The following KIAA1549L variants were observed in gnomAD, a reference collection of about 807,000 sequenced individuals.
KIAA1549L encodes UPF0606 protein KIAA1549L.
In KIAA1549L, 88 loss-of-function variants were observed where a neutral mutation model predicts 160.7. That is an observed-to-expected ratio of 0.55 (90% confidence interval 0.46 to 0.65). The LOEUF (loss-of-function observed/expected upper bound fraction) is 0.65. Ranked by LOEUF, KIAA1549L falls within the 30% of genes least tolerant of loss-of-function variation. The pLI, the probability that KIAA1549L is intolerant of heterozygous loss-of-function variation, is 0.00. For missense variants in KIAA1549L, 2,258 were observed against 2,437.5 expected, an observed-to-expected ratio of 0.93 and a Z score of 1.55; for synonymous variants, 950 against 976.7, an observed-to-expected ratio of 0.97 and a Z score of 0.51.
chr11:33,641,479 A>G (rs1851577367), intron 16 of KIAA1549L, among the ~76,000 whole-genome samples: 1 of 150,842 alleles, frequency 6.6e-6, no homozygotes, highest in Non-Finnish European at 1.5e-5. Flanking sequence ...TCTATAAGGT[A>G]GATTATCTCA....
Position 33,556,955 on chromosome 11 carries a change from AGGCTTCCTC to A in KIAA1549L, c.3856-2791_3856-2783del, listed in dbSNP as rs542600238. 1.0e-3 allele frequency among the ~76,000 whole-genome samples: 159 copies of A among 152,358 alleles called. 2 individuals carry two copies. In the East Asian group the frequency reaches 0.029, roughly 27 times the overall value. On this transcript the variant is annotated intron_variant, in intron 6 of 20. Coordinates refer to ENST00000658780, the MANE Select transcript of KIAA1549L (RefSeq NM_012194.3). ...GAGGCACCCACATTGCAAACTTTGT[AGGCTTCCTC>A]GGGCTCCAGTGGGATTTGGGTTTTT...
chr11:33,618,004 G>A (rs758995209), intron 15 of KIAA1549L, among the ~76,000 whole-genome samples: 1 of 152,186 alleles, frequency 6.6e-6, no homozygotes, highest in Non-Finnish European at 1.5e-5. Context: ...TGGGTTTATG[G>A]CTTCTTAGTC....
intron 16 of KIAA1549L, among the ~76,000 whole-genome samples, chr11:33,640,558 G>A (rs770639241): frequency 2.0e-5 from 3 of 152,240 alleles, no homozygotes; most frequent in Non-Finnish European, 2.9e-5. Context: ...CACACTCTCT[G>A]TAGTGGCCTG....
At chr11:33,469,104 A>G (rs1852122281) in intron 1 of KIAA1549L, among the ~76,000 whole-genome samples, 1 of 152,180 alleles carries the variant, frequency 6.6e-6, no homozygotes. Context: ...TTTTTAGTGT[A>G]TGTGCAGAGT....
chr11:33,478,985 TG>T (rs1852351933), intron 1 of KIAA1549L, among the ~76,000 whole-genome samples: 1 of 152,250 alleles, frequency 6.6e-6, no homozygotes, highest in Non-Finnish European at 1.5e-5. Context: ...GACTTGGGCA[TG>T]TTGCCCCTAA....
intron 11 of KIAA1549L, among the ~76,000 whole-genome samples, chr11:33,589,884 G>T (rs1452262437): frequency 1.3e-5 from 2 of 152,120 alleles, no homozygotes; most frequent in African/African-American, 4.8e-5. Flanking sequence ...TTTTGCACAT[G>T]TACCCTAAAA....
Position 33,510,188 on chromosome 11 carries a change from T to A in KIAA1549L, c.239-31614T>A, listed in dbSNP as rs117471592. Among the ~76,000 whole-genome samples, 928 of 152,232 alleles carry A rather than the reference T, an allele frequency of 6.1e-3. 9 individuals carry two copies. Among genetic ancestry groups the A allele is most frequent in the Non-Finnish European group, 0.011 (766 of 68,016 alleles). ...TCATATATCTCTCTCAGTCTCTTGA[T>A]CTCTTGATTTCTCTTTCTTTCGTGT... On this transcript the variant is annotated intron_variant, in intron 1 of 20. Transcript: ENST00000658780.
intron 1 of KIAA1549L, among the ~76,000 whole-genome samples, chr11:33,444,233 T>C (rs972038090): frequency 3.3e-5 from 5 of 152,362 alleles, no homozygotes; most frequent in Admixed American, 3.3e-4. Flanking sequence ...TATGGGAACA[T>C]TGAACTGCTT....
chr11:33,544,096 T>C lies in KIAA1549L; in HGVS notation c.2533T>C (p.Leu845=), dbSNP rs779840453. ...QLPNQPAHPL[L]LTSPGPTSTG... ...GCCCAACCAGCCAGCACATCCTCTT[T>C]TGCTAACCTCACCAGGACCAACTTC... Residue 845 remains leucine (L), a synonymous_variant, in exon 2 of 21, where the codon TTG becomes CTG. Coordinates refer to ENST00000658780, the MANE Select transcript of KIAA1549L (RefSeq NM_012194.3). 3.1e-6 allele frequency: 5 copies of C among 1,614,014 alleles called. No individual in the cohort carries two copies. The highest frequency in any genetic ancestry group is 4.2e-6 in the Non-Finnish European group (5 of 1,179,898).
At position 33,543,654 on chromosome 11, in the gene KIAA1549L, G is replaced by T. The variant is rs1276468178; in HGVS notation, c.2091G>T (p.Trp697Cys). 1 of 1,613,902 alleles carries T rather than the reference G, an allele frequency of 6.2e-7. No homozygotes were observed. The highest frequency in any genetic ancestry group is 8.5e-7 in the Non-Finnish European group (1 of 1,179,832). Residue 697 changes from tryptophan to cysteine, a missense_variant, in exon 2 of 21, where the codon TGG becomes TGT. This residue lies in a region of KIAA1549L where 287 missense variants were observed against 292.3 expected (regional missense o/e 0.98). Coordinates refer to ENST00000658780, the MANE Select transcript of KIAA1549L (RefSeq NM_012194.3). Reference protein sequence around the residue: ...MKKPATTDVFWSSLSAETGSL... With the variant: ...MKKPATTDVFCSSLSAETGSL... ...AGCCAGCAACCACAGATGTTTTCTGGAGTTCTCTTTCAGCAGAAACTGGAT... is the reference window on the plus strand; with the variant it reads ...AGCCAGCAACCACAGATGTTTTCTGTAGTTCTCTTTCAGCAGAAACTGGAT...
At chr11:33,431,884 G>T (rs1296539335) in intron 1 of KIAA1549L, among the ~76,000 whole-genome samples, 2 of 152,238 alleles carry the variant, frequency 1.3e-5, no homozygotes, top group Non-Finnish European at 2.9e-5. Flanking sequence ...CCCAAGGACT[G>T]CCCCACGGGA....
At chr11:33,656,890 G>A (rs376124549) in intron 18 of KIAA1549L, among the ~76,000 whole-genome samples, 4 of 152,114 alleles carry the variant, frequency 2.6e-5, no homozygotes, top group African/African-American at 9.7e-5. Flanking sequence ...GCCACCAGCC[G>A]AGCCTGGGTG....
Position 33,544,938 on chromosome 11 carries a change from C to G in KIAA1549L, c.2945C>G (p.Ala982Gly). 1 of 1,613,632 alleles carries G rather than the reference C, an allele frequency of 6.2e-7. No homozygotes were observed. Among genetic ancestry groups the G allele is most frequent in the Non-Finnish European group, 8.5e-7 (1 of 1,179,726 alleles). Residue 982 changes from alanine to glycine, a missense_variant, in exon 3 of 21, where the codon GCT becomes GGT. Physicochemically the swap from Ala to Gly is moderately conservative, Grantham distance 60. Around this residue, in one of 6 missense-constraint regions of KIAA1549L, gnomAD observed 1,359 missense variants for 1,546.6 expected, o/e 0.88. Transcript: ENST00000658780. ...PAKSSSMTTL[A>G]KNVTNKAASG... The stretch of plus-strand genomic sequence containing the variant: ...AAGAGCAGTTCGATGACTACTCTTG[C>G]TAAAAATGTCACAAACAAGGCCGCA...
At chr11:33,416,071 G>C (rs1850882957) in intron 1 of KIAA1549L, among the ~76,000 whole-genome samples, 2 of 152,044 alleles carry the variant, frequency 1.3e-5, no homozygotes, top group African/African-American at 2.4e-5. Flanking sequence ...CAATAAAAAG[G>C]CTCTTTTCAA....
intron 10 of KIAA1549L, among the ~76,000 whole-genome samples, chr11:33,579,664 C>T (rs1027937925): frequency 1.3e-5 from 2 of 152,220 alleles, no homozygotes; most frequent in African/African-American, 4.8e-5. Flanking sequence ...GGAATTCAAG[C>T]CTAGAACTCT....
At chr11:33,568,459 T>C (rs1181889191) in intron 9 of KIAA1549L, among the ~76,000 whole-genome samples, 9 of 152,194 alleles carry the variant, frequency 5.9e-5, no homozygotes, top group Non-Finnish European at 1.3e-4. Flanking sequence ...AACTAGGTTA[T>C]AACACAAGGA....
intron 12 of KIAA1549L, among the ~76,000 whole-genome samples, chr11:33,598,033 T>C (rs910965522): frequency 2.0e-5 from 3 of 152,156 alleles, no homozygotes; most frequent in Non-Finnish European, 4.4e-5. Flanking sequence ...TGGGGAGCTC[T>C]TGGGGGGCAT....
chr11:33,618,775 C>T (rs1850887596), intron 16 of KIAA1549L, 113 bp downstream of exon 16: 3 of 1,055,460 alleles, frequency 2.8e-6, no homozygotes, highest in Admixed American at 3.5e-5. Context: ...TTTTAAAAAG[C>T]ACTAAAATGT....
At chr11:33,477,846 C>T (rs557444972) in intron 1 of KIAA1549L, among the ~76,000 whole-genome samples, 1 of 152,174 alleles carries the variant, frequency 6.6e-6, no homozygotes, top group South Asian at 2.1e-4. Context: ...GCTGAATGCA[C>T]AGATGCATAC....
Sources: allele counts gnomAD v4.1 joint callset (sites outside exome capture counted in the v4.1 genomes callset), GRCh38; gene constraint gnomAD v4.1.1; regional missense constraint gnomAD v4.1.1; transcripts MANE v1.5; gene names NCBI Gene and HGNC (gene_info 2026-07-23, HGNC 2026-07-21).